Variants in INSYN2A observed in about 807,000 individuals in gnomAD.
INSYN2A encodes the protein inhibitory synaptic factor 2A.
In INSYN2A, 17 loss-of-function variants were observed where a neutral mutation model predicts 39.4. The observed-to-expected ratio is 0.43, with a 90% CI of 0.30 to 0.65. The LOEUF (loss-of-function observed/expected upper bound fraction) is 0.65. INSYN2A is among the 30% of genes least tolerant of loss of function. The pLI is 0.14. For synonymous variants in INSYN2A, 255 were observed against 265.7 expected, an observed-to-expected ratio of 0.96 and a Z score of 0.39; for missense variants, 595 against 631.2, an observed-to-expected ratio of 0.94 and a Z score of 0.61.
chr10:127,154,526 A>G (rs1289602252), intron 4 of INSYN2A, among the ~76,000 whole-genome samples: 1 of 152,264 alleles, frequency 6.6e-6, no homozygotes, highest in Non-Finnish European at 1.5e-5. Context: ...GAAAATTTTT[A>G]TGAAAATACC....
chr10:127,189,132 ACAAGCTTGAGAAT>A (rs1216128592), intron 2 of INSYN2A, among the ~76,000 whole-genome samples: 2 of 152,232 alleles, frequency 1.3e-5, no homozygotes, highest in African/African-American at 4.8e-5. Context: ...CCTACGAGAC[ACAAGCTTGAGAAT>A]CACCACCAGA....
At chr10:127,166,178 G>A (rs2054063378) in intron 4 of INSYN2A, among the ~76,000 whole-genome samples, 2 of 152,254 alleles carry the variant, frequency 1.3e-5, no homozygotes, top group East Asian at 1.9e-4. Context: ...CCATTCTCCT[G>A]CCTCAGCCCC....
intron 4 of INSYN2A, among the ~76,000 whole-genome samples, chr10:127,155,272 T>C: frequency 6.6e-6 from 1 of 152,198 alleles, no homozygotes; most frequent in East Asian, 1.9e-4. Flanking sequence ...ACATCAACAT[T>C]TGACAAAAGG....
At position 127,186,525 on chromosome 10, in the gene INSYN2A, G is replaced by GC. The variant is rs1187468492; in HGVS notation, c.-269+6079_-269+6080insG. ...AGAAACCGCCCCCCCGCCCCCCCCC[G>GC]ATCCAGTTACCTCCACCCAGTTCCA... On this transcript the variant is annotated intron_variant, in intron 2 of 5. Transcript: ENST00000522781. Among the ~76,000 whole-genome samples, 3 of 26,252 alleles carry GC rather than the reference G, an allele frequency of 1.1e-4. 1 individual carries two copies. 17.2% of individuals were successfully genotyped at this position (26,252 alleles called of 152,430 possible).
intron 2 of INSYN2A, among the ~76,000 whole-genome samples, chr10:127,186,060 G>C (rs921254995): frequency 4.6e-5 from 7 of 152,146 alleles, no homozygotes; most frequent in African/African-American, 1.7e-4. Flanking sequence ...TTAGAGCATG[G>C]CACCTTTCCT....
At chr10:127,174,440 C>T (rs1214654954) in intron 4 of INSYN2A, among the ~76,000 whole-genome samples, 1 of 152,192 alleles carries the variant, frequency 6.6e-6, no homozygotes, top group African/African-American at 2.4e-5. Flanking sequence ...AGAACTAAAA[C>T]CCCACCTTTA....
At chr10:127,143,163 A>G (rs1434286816) in intron 5 of INSYN2A, among the ~76,000 whole-genome samples, 2 of 152,220 alleles carry the variant, frequency 1.3e-5, no homozygotes, top group East Asian at 3.9e-4. Context: ...AAGATAATTT[A>G]AGAGGAACAC....
In INSYN2A at chr10:127,135,890, G is replaced by C. The variant is rs534640792; in HGVS notation, c.*1947C>G. 5 of 152,712 alleles carry C rather than the reference G, an allele frequency of 3.3e-5. No individual in the cohort carries two copies. The East Asian group carries it at 9.6e-4, about 29-fold the overall frequency. 9.5% of individuals were successfully genotyped at this position (152,712 alleles called of 1,614,324 possible). ...TTGGGATTCTTAAAACATAAGGAGAGAGAACTTGTTGGAAACATTTTTATA... is the reference window on the plus strand; with the variant it reads ...TTGGGATTCTTAAAACATAAGGAGACAGAACTTGTTGGAAACATTTTTATA... On this transcript the variant is annotated 3_prime_UTR_variant, in exon 6 of 6. Coordinates refer to ENST00000522781, the MANE Select transcript of INSYN2A (RefSeq NM_001039762.3).
chr10:127,156,983 G>A (rs1315239092), intron 4 of INSYN2A, among the ~76,000 whole-genome samples: 3 of 152,204 alleles, frequency 2.0e-5, no homozygotes, highest in Non-Finnish European at 4.4e-5. Context: ...TACATACTAA[G>A]TGTGAAACAT....
chr10:127,171,424 C>G (rs2054559629), intron 4 of INSYN2A, among the ~76,000 whole-genome samples: 1 of 152,206 alleles, frequency 6.6e-6, no homozygotes, highest in Non-Finnish European at 1.5e-5. Flanking sequence ...ATACTGGCTT[C>G]CCAAGGAGCA....
chr10:127,176,744 A>C lies in INSYN2A; in HGVS notation c.-6+133T>G. The C allele has an allele frequency of 5.0e-6, 1 of 198,660 alleles. No individual in the cohort carries two copies. Among genetic ancestry groups the C allele is most frequent in the Non-Finnish European group, 1.0e-5 (1 of 98,212 alleles). The allele number at this position is 198,660 out of a possible 1,614,324, so 12.3% of individuals were successfully genotyped here. On this transcript the variant is annotated intron_variant, in intron 3 of 5. Coordinates refer to ENST00000522781, the MANE Select transcript of INSYN2A (RefSeq NM_001039762.3). The surrounding 1 kb of genome is among the most constrained non-coding windows in gnomAD (Gnocchi z 4.4). Reference sequence around the variant, plus strand: ...TCTGCTTTGCAAATTATCTTTTCACACGCGTGACTCCCCTTCTTAGGCAGA... The same window carrying C: ...TCTGCTTTGCAAATTATCTTTTCACCCGCGTGACTCCCCTTCTTAGGCAGA...
intron 4 of INSYN2A, among the ~76,000 whole-genome samples, chr10:127,159,178 G>C (rs1312400550): frequency 6.6e-6 from 1 of 152,238 alleles, no homozygotes; most frequent in African/African-American, 2.4e-5. Context: ...GGTGGTTTTT[G>C]TGGAGTCCAG....
Position 127,176,351 on chromosome 10 carries a change from C to T in INSYN2A, c.45G>A (p.Glu15=). 1 of 1,613,530 alleles carries T rather than the reference C, an allele frequency of 6.2e-7. No homozygotes were observed. The highest frequency in any genetic ancestry group is 8.5e-7 in the Non-Finnish European group (1 of 1,179,862). The part of the protein sequence containing the change: ...DTGKCILTTS[E]SEVEPAACLA... ...GGCAGGCGGCGGGTTCCACTTCACT[C>T]TCCGACGTTGTGAGTATGCATTTGC... Residue 15 remains glutamate (E), a synonymous_variant, in exon 4 of 6, where the codon GAG becomes GAA. Transcript: ENST00000522781. This position sits in a 1 kb window ranked among gnomAD's most constrained non-coding sequence, Gnocchi z 4.4.
intron 2 of INSYN2A, among the ~76,000 whole-genome samples, chr10:127,177,701 C>G (rs564048787): frequency 1.3e-5 from 2 of 152,334 alleles, no homozygotes; most frequent in Admixed American, 6.5e-5. Flanking sequence ...AAAACCAGCC[C>G]AGAGACCTGT....
At chr10:127,163,529 T>G (rs898226722) in intron 4 of INSYN2A, among the ~76,000 whole-genome samples, 2 of 152,070 alleles carry the variant, frequency 1.3e-5, no homozygotes, top group Non-Finnish European at 2.9e-5. Flanking sequence ...CTTGAGTGAA[T>G]GAATGAATGA....
At chr10:127,192,844 G>T (rs2056849374) in intron 1 of INSYN2A, 114 bp from the exon 2 acceptor site, 1 of 152,134 alleles carries the variant, frequency 6.6e-6, no homozygotes, top group African/African-American at 2.4e-5. Context: ...TCCTGTCAGG[G>T]TCCCTATAGT....
At position 127,164,159 on chromosome 10, in the gene INSYN2A, CTTTTTTTTTTTTTTTTTTTTTTTTTTTTT is replaced by C. The variant is rs528947051; in HGVS notation, c.1185-10265_1185-10237del. On this transcript the variant is annotated intron_variant, in intron 4 of 5. Coordinates refer to ENST00000522781, the MANE Select transcript of INSYN2A (RefSeq NM_001039762.3). ...CTTTGTCTTCCCTGTCATTTGCCTCCTTTTTTTTTTTTTTTTTTTTTTTTTTTTTTTTTTTTTTTTTTGAGACAGAGTCC... is the reference window on the plus strand; with the variant it reads ...CTTTGTCTTCCCTGTCATTTGCCTCCTTTTTTTTTTTTTGAGACAGAGTCC... Among the ~76,000 whole-genome samples, 68 of 63,584 alleles carry C rather than the reference CTTTTTTTTTTTTTTTTTTTTTTTTTTTTT, an allele frequency of 1.1e-3. 2 individuals are homozygous for C. The highest frequency in any genetic ancestry group is 3.8e-3 in the African/African-American group (63 of 16,484). 41.7% of individuals were successfully genotyped at this position (63,584 alleles called of 152,430 possible).
intron 2 of INSYN2A, among the ~76,000 whole-genome samples, chr10:127,182,232 G>A (rs560618857): frequency 3.4e-4 from 52 of 152,270 alleles, no homozygotes; most frequent in African/African-American, 1.1e-3. Flanking sequence ...TGTAGGCATC[G>A]AGGCAGAAGA....
In INSYN2A at chr10:127,176,127, A is replaced by T. The variant is rs778319223; in HGVS notation, c.269T>A (p.Val90Glu). ...CRAAYRKYMT[V>E]PARRSIPNVT... is the part of the protein sequence containing the mutation. ...GTTGGGGATGGACCTGCGTGCGGGC[A>T]CTGTCATGTATTTGCGGTAGGCTGC... Residue 90 changes from valine (V) to glutamate (E), a missense_variant, in exon 4 of 6, where the codon GTG (valine) becomes GAG (glutamate). Around this residue, in one of 2 missense-constraint regions of INSYN2A, gnomAD observed 478 missense variants for 467.4 expected, o/e 1.02. Transcript: ENST00000522781. This position sits in a 1 kb window ranked among gnomAD's most constrained non-coding sequence, Gnocchi z 4.4. The T allele has an allele frequency of 6.2e-7, 1 of 1,613,948 alleles. No individual in the cohort carries two copies. The highest frequency in any genetic ancestry group is 1.1e-5 in the South Asian group (1 of 91,070).
Sources: allele counts gnomAD v4.1 joint callset (sites outside exome capture counted in the v4.1 genomes callset), GRCh38; gene constraint gnomAD v4.1.1; regional missense constraint gnomAD v4.1.1; non-coding constraint Gnocchi (gnomAD v3.1); transcripts MANE v1.5; gene names NCBI Gene and HGNC (gene_info 2026-07-23, HGNC 2026-07-21).